AAGAB: variants seen among roughly 807,000 people sequenced by gnomAD.
AAGAB encodes the protein alpha- and gamma-adaptin-binding protein p34.
In AAGAB, 38 loss-of-function variants were observed where a neutral mutation model predicts 44.1. The ratio of observed to expected loss-of-function variants is 0.86; its 90% CI spans 0.67 to 1.13. AAGAB has a LOEUF of 1.13. Among genes scored for constraint, AAGAB ranks in the 50% most tolerant of loss-of-function variants. The pLI is 0.00. For missense variants in AAGAB, 450 were observed against 373.8 expected, an observed-to-expected ratio of 1.20 and a Z score of -1.68; for synonymous variants, 131 against 131.8, an observed-to-expected ratio of 0.99 and a Z score of 0.04.
At chr15:67,234,121 C>A (rs536288248) in intron 4 of AAGAB, among the ~76,000 whole-genome samples, 1 of 150,198 alleles carries the variant, frequency 6.7e-6, no homozygotes, top group Admixed American at 6.7e-5. Flanking sequence ...GGCGTGGTGG[C>A]GGGCGCCTGC....
At chr15:67,235,317 G>A (rs1964435353) in intron 4 of AAGAB, among the ~76,000 whole-genome samples, 1 of 152,130 alleles carries the variant, frequency 6.6e-6, no homozygotes, top group South Asian at 2.1e-4. Flanking sequence ...TCAATTATCT[G>A]TAAGTTTCAT....
chr15:67,254,493 T>A (rs1172940618), intron 1 of AAGAB, 66 bp downstream of exon 1: 1 of 1,529,164 alleles, frequency 6.5e-7, no homozygotes, highest in Admixed American at 2.0e-5. Context: ...GAGGCCGTGG[T>A]GCTGGGTCCG....
chr15:67,248,120 T>C (rs950828264), intron 1 of AAGAB, among the ~76,000 whole-genome samples: 1 of 152,248 alleles, frequency 6.6e-6, no homozygotes. Context: ...GGAGAAAGTA[T>C]GAACATTTAT....
chr15:67,236,965 T>A (rs1460769937), intron 1 of AAGAB, 145 bp from the exon 2 acceptor site: 1 of 591,446 alleles, frequency 1.7e-6, no homozygotes, highest in Non-Finnish European at 2.9e-6. Flanking sequence ...TTATTAGCTT[T>A]AATCCTATAT....
intron 1 of AAGAB, among the ~76,000 whole-genome samples, chr15:67,253,756 TA>T (rs34153830): frequency 2.1e-3 from 301 of 142,418 alleles, no homozygotes; most frequent in Middle Eastern, 7.3e-3. Context: ...CCCGTCTCTT[TA>T]AAAAAAAAAA....
intron 3 of AAGAB, 36 bp downstream of exon 3, chr15:67,236,372 G>C: frequency 6.4e-7 from 1 of 1,567,506 alleles, no homozygotes; most frequent in Non-Finnish European, 8.8e-7. Flanking sequence ...AATGGCAAAT[G>C]CATGTACCAA....
At chr15:67,225,612 C>T (rs960191587) in intron 5 of AAGAB, among the ~76,000 whole-genome samples, 2 of 152,216 alleles carry the variant, frequency 1.3e-5, no homozygotes, top group Admixed American at 6.5e-5. Flanking sequence ...ATGAATTTAA[C>T]TATTCTGGAT....
rs1420346949 is a variant in AAGAB, at chr15:67,203,740, T to G, written c.821-143A>C. On this transcript the variant is annotated intron_variant, in intron 8 of 9. Coordinates refer to ENST00000261880, the MANE Select transcript of AAGAB (RefSeq NM_024666.5). ...ACATGTATTAGGAAGTTTTTAAGTC[T>G]TCCAAATTTTCCAGATGGGAATGAT... 9.8e-6 allele frequency: 7 copies of G among 713,194 alleles called. No individual in the cohort carries two copies. The Admixed American group carries it at 1.1e-4, about 11-fold the overall frequency. 44.2% of individuals were successfully genotyped at this position (713,194 alleles called of 1,614,324 possible).
At chr15:67,252,718 A>G (rs1964897966) in intron 1 of AAGAB, among the ~76,000 whole-genome samples, 1 of 152,226 alleles carries the variant, frequency 6.6e-6, no homozygotes, top group Admixed American at 6.5e-5. Flanking sequence ...CACTGCTTAA[A>G]GGTAAGAAAA....
chr15:67,226,222 T>C (rs961514941), intron 5 of AAGAB, among the ~76,000 whole-genome samples: 2 of 152,048 alleles, frequency 1.3e-5, no homozygotes, highest in African/African-American at 2.4e-5. Flanking sequence ...AGCACTGAAC[T>C]CTAGGCTCAA....
intron 1 of AAGAB, among the ~76,000 whole-genome samples, chr15:67,251,443 A>C (rs895498662): frequency 2.0e-5 from 3 of 152,076 alleles, no homozygotes; most frequent in African/African-American, 7.2e-5. Context: ...TTTTGTAGAG[A>C]CTAGGTCTCC....
intron 5 of AAGAB, among the ~76,000 whole-genome samples, chr15:67,223,753 G>A (rs2140363015): frequency 6.6e-6 from 1 of 152,286 alleles, no homozygotes; most frequent in Admixed American, 6.5e-5. Flanking sequence ...CTGAGTAAAT[G>A]TCAAAGTTAT....
intron 1 of AAGAB, among the ~76,000 whole-genome samples, chr15:67,239,864 C>G (rs1274122095): frequency 3.3e-5 from 5 of 152,150 alleles, no homozygotes; most frequent in Non-Finnish European, 1.5e-5. Flanking sequence ...TGAAATTATT[C>G]AAACTGTGCA....
At chr15:67,232,105 T>G (rs962301436) in intron 4 of AAGAB, among the ~76,000 whole-genome samples, 1 of 151,732 alleles carries the variant, frequency 6.6e-6, no homozygotes, top group Non-Finnish European at 1.5e-5. Flanking sequence ...AAATACAAAA[T>G]TAGCCAGGCG....
intron 6 of AAGAB, 119 bp from the exon 7 acceptor site, chr15:67,208,777 G>A (rs2140345471): frequency 1.4e-6 from 1 of 735,576 alleles, no homozygotes; most frequent in Non-Finnish European, 2.2e-6. Flanking sequence ...AGGAACTGGA[G>A]GCAAAGAAAG....
At chr15:67,208,422 G>T (rs1963733294) in intron 7 of AAGAB, 140 bp downstream of exon 7, 2 of 617,114 alleles carry the variant, frequency 3.2e-6, no homozygotes, top group Non-Finnish European at 5.7e-6. Context: ...CACTGGCAAG[G>T]CTCACATTCA....
rs1431836857 is a variant in AAGAB, at chr15:67,201,879, G to A, written c.*942C>T. 6 of 152,342 alleles carry A rather than the reference G, an allele frequency of 3.9e-5. No homozygotes were observed. Among genetic ancestry groups the A allele is most frequent in the African/African-American group, 1.2e-4 (5 of 41,526 alleles). The allele number at this position is 152,342 out of a possible 1,614,324, so 9.4% of individuals were successfully genotyped here. A position where few individuals can be genotyped will look rare whatever the true frequency, so the allele number is the denominator to read the frequency against. On this transcript the variant is annotated 3_prime_UTR_variant, in exon 10 of 10. Transcript: ENST00000261880. ...AAAACAAGGTGCTCAGGAATTCATC[G>A]CCTAACATTTCACTTCCCCACCCAC...
chr15:67,254,267 G>A, intron 1 of AAGAB: 1 of 551,568 alleles, frequency 1.8e-6, no homozygotes, highest in Non-Finnish European at 2.8e-6. Flanking sequence ...GAGCCTTCAG[G>A]TTCATCTCAA....
upstream of AAGAB, chr15:67,254,927 G>T: frequency 1.2e-6 from 2 of 1,613,812 alleles, no homozygotes; most frequent in Middle Eastern, 1.6e-4. Context: ...CCACGACCCT[G>T]TCGGATCCAT....
Sources: gnomAD v4.1 joint callset for allele counts (sites outside exome capture counted in the v4.1 genomes callset) on GRCh38, gnomAD v4.1.1 for gene constraint, MANE v1.5 for transcripts, NCBI Gene and HGNC (gene_info 2026-07-23, HGNC 2026-07-21) for gene names.